Variants in DLG2 observed in about 807,000 individuals in gnomAD.
The protein encoded by DLG2 is discs large MAGUK scaffold protein 2.
A neutral mutation model predicts 132.5 loss-of-function variants in DLG2; 45 were observed. That is an observed-to-expected ratio of 0.34 (90% CI 0.27 to 0.44). The LOEUF is 0.44. Ranked by LOEUF, DLG2 falls within the 20% of genes least tolerant of loss-of-function variation. The probability of loss-of-function intolerance (pLI) is 1.00; values close to 1 mark genes in which losing one functional copy is unlikely to be tolerated. For synonymous variants in DLG2, 424 were observed against 419.6 expected (o/e 1.01, Z -0.13); for missense variants, 1,045 against 1,196.9 (o/e 0.87, Z 1.87).
At chr11:85,162,330 G>A (rs982111327) in intron 4 of DLG2, among the ~76,000 whole-genome samples, 9 of 152,262 alleles carry the variant, frequency 5.9e-5, no homozygotes, top group Non-Finnish European at 1.0e-4. Context: ...AAATGGCTCA[G>A]ACCCTTCAGG....
chr11:84,456,368 C>G (rs1339510914), intron 7 of DLG2, among the ~76,000 whole-genome samples: 1 of 151,194 alleles, frequency 6.6e-6, no homozygotes, highest in Non-Finnish European at 1.5e-5. Flanking sequence ...AGGAGCCTAT[C>G]TCATATAATT....
chr11:85,152,361 C>A (rs1196487616), intron 5 of DLG2, among the ~76,000 whole-genome samples: 1 of 152,072 alleles, frequency 6.6e-6, no homozygotes, highest in African/African-American at 2.4e-5. Context: ...CTGCCTCAGC[C>A]TCCCAAGTAG....
intron 6 of DLG2, among the ~76,000 whole-genome samples, chr11:84,719,571 A>T (rs1027264416): frequency 4.6e-5 from 7 of 152,188 alleles, no homozygotes; most frequent in Admixed American, 1.3e-4. Context: ...TCCAACAAGG[A>T]AGCACCATTA....
At chr11:83,501,314 C>T (rs1211510954) in intron 21 of DLG2, among the ~76,000 whole-genome samples, 1 of 151,214 alleles carries the variant, frequency 6.6e-6, no homozygotes, top group Non-Finnish European at 1.5e-5. Flanking sequence ...CAGTAGGTTA[C>T]AGGAGCAACC....
chr11:85,269,019 C>G (rs1219829423), intron 4 of DLG2, among the ~76,000 whole-genome samples: 1 of 152,166 alleles, frequency 6.6e-6, no homozygotes, highest in Admixed American at 6.5e-5. Context: ...TATCTCAACT[C>G]TATACTTTTA....
chr11:85,340,953 G>A (rs1054298164), intron 3 of DLG2, among the ~76,000 whole-genome samples: 8 of 152,074 alleles, frequency 5.3e-5, no homozygotes, highest in African/African-American at 1.9e-4. Context: ...GTGAGATATG[G>A]ATCTAATTTT....
chr11:85,622,627 GAA>G (rs113550955), intron 2 of DLG2, among the ~76,000 whole-genome samples: 42 of 129,404 alleles, frequency 3.2e-4, no homozygotes, highest in Admixed American at 1.8e-3. Context: ...TTCCCCAGAG[GAA>G]AAAAAAAAAA....
chr11:83,826,926 T>A (rs1174755950), intron 17 of DLG2, among the ~76,000 whole-genome samples: 1 of 152,124 alleles, frequency 6.6e-6, no homozygotes, highest in African/African-American at 2.4e-5. Context: ...ATGAGACTTG[T>A]CCCTAACACT....
chr11:83,699,658 A>G (rs1215530906), intron 18 of DLG2, among the ~76,000 whole-genome samples: 3 of 151,332 alleles, frequency 2.0e-5, no homozygotes, highest in African/African-American at 7.3e-5. Flanking sequence ...TGCAGTGAGC[A>G]GAGATCACGC....
intron 9 of DLG2, among the ~76,000 whole-genome samples, chr11:84,142,710 T>A (rs989229228): frequency 6.6e-6 from 1 of 152,206 alleles, no homozygotes; most frequent in South Asian, 2.1e-4. Flanking sequence ...GGGACATCCA[T>A]TATCTCTTCC....
At position 84,619,829 on chromosome 11, in the gene DLG2, T is replaced by C. The variant is rs1046983873; in HGVS notation, c.358-85098A>G. Among the ~76,000 whole-genome samples, 6 of 151,594 alleles carry C rather than the reference T, an allele frequency of 4.0e-5. No individual in the cohort carries two copies. The East Asian group carries it at 7.7e-4, about 19-fold the overall frequency. The stretch of plus-strand genomic sequence containing the variant: ...TTAAAGATCTAAATAAATGCAAAAA[T>C]AGTCTATATTTATAAATAGAAAAAT... On this transcript the variant is annotated intron_variant, in intron 6 of 27. Transcript: ENST00000376104.
At chr11:84,524,411 G>C (rs1406514879) in intron 7 of DLG2, among the ~76,000 whole-genome samples, 1 of 152,144 alleles carries the variant, frequency 6.6e-6, no homozygotes, top group African/African-American at 2.4e-5. Flanking sequence ...TGCTTTATTT[G>C]CATGGAATTT....
Position 84,349,049 on chromosome 11 carries a change from A to G in DLG2, c.520-97758T>C, listed in dbSNP as rs139074330. Among the ~76,000 whole-genome samples the G allele has an allele frequency of 2.0e-3, 306 of 152,332 alleles. 1 individual carries two copies. The highest frequency in any genetic ancestry group is 3.4e-3 in the Non-Finnish European group (233 of 68,030). On this transcript the variant is annotated intron_variant, in intron 7 of 27. Transcript: ENST00000376104. ...GGGTACTTTGTTTTAGAAGCCTAAC[A>G]AAGTAATACACATGGAAAAACACTT...
intron 18 of DLG2, chr11:83,651,628 A>T (rs1428498906): frequency 7.5e-6 from 2 of 267,020 alleles, no homozygotes; most frequent in Non-Finnish European, 1.5e-5. Flanking sequence ...TTGAAGAAGA[A>T]GAAAGAAGAG....
At chr11:84,558,946 A>G (rs2099417537) in intron 6 of DLG2, among the ~76,000 whole-genome samples, 1 of 152,118 alleles carries the variant, frequency 6.6e-6, no homozygotes, top group Non-Finnish European at 1.5e-5. Context: ...CATTTTTTAT[A>G]CCATCATTAG....
intron 17 of DLG2, among the ~76,000 whole-genome samples, chr11:83,831,945 G>T (rs1485288799): frequency 6.6e-6 from 1 of 152,060 alleles, no homozygotes; most frequent in African/African-American, 2.4e-5. Context: ...GAAGGAAGGG[G>T]GAAAGTGGCA....
At position 85,365,400 on chromosome 11, in the gene DLG2, G is replaced by A. The variant is rs191991352; in HGVS notation, c.41-80035C>T. On this transcript the variant is annotated intron_variant, in intron 3 of 27. Coordinates refer to ENST00000376104, the MANE Select transcript of DLG2 (RefSeq NM_001142699.3). ...GTGTAAGTCTGGTAGGAAAGGGCTG[G>A]GAACTGCACAGTTGAATGACAAGAG... Among the ~76,000 whole-genome samples, 3 of 152,214 alleles carry A rather than the reference G, an allele frequency of 2.0e-5. No individual in the cohort carries two copies. The East Asian group carries it at 5.8e-4, about 29-fold the overall frequency.
At chr11:85,516,996 T>A (rs1333405922) in intron 3 of DLG2, among the ~76,000 whole-genome samples, 3 of 151,642 alleles carry the variant, frequency 2.0e-5, no homozygotes, top group Non-Finnish European at 4.4e-5. Context: ...CAGACCAGTA[T>A]CCCTGATGAA....
intron 18 of DLG2, among the ~76,000 whole-genome samples, chr11:83,687,934 C>T (rs1394956578): frequency 6.6e-6 from 1 of 151,794 alleles, no homozygotes. Context: ...CCCAGGAGAG[C>T]CACACTGACA....
Sources: gnomAD v4.1 joint callset for allele counts (sites outside exome capture counted in the v4.1 genomes callset) on GRCh38, gnomAD v4.1.1 for gene constraint, MANE v1.5 for transcripts, NCBI Gene and HGNC (gene_info 2026-07-23, HGNC 2026-07-21) for gene names.